HS1BP3: variants seen among roughly 807,000 people sequenced by gnomAD.
The protein encoded by HS1BP3 is HCLS1 binding protein 3, also known as HCLS1-binding protein 3.
In HS1BP3, 32 loss-of-function variants were observed where a neutral mutation model predicts 33.5. The ratio of observed to expected loss-of-function variants is 0.95; its 90% CI spans 0.72 to 1.28. The LOEUF is 1.28. Ranked by LOEUF, HS1BP3 falls within the 50% of genes most tolerant of loss-of-function variation. The pLI is 0.00. For missense variants in HS1BP3, 486 were observed against 502.3 expected (o/e 0.97, Z 0.31); for synonymous variants, 187 against 209.2 (o/e 0.89, Z 0.92).
chr2:20,614,248 A>G (rs1694373201), downstream of HS1BP3, among the ~76,000 whole-genome samples: 1 of 152,226 alleles, frequency 6.6e-6, no homozygotes, highest in Non-Finnish European at 1.5e-5. Flanking sequence ...GGCCCTACTA[A>G]CACCTTGATT....
At chr2:20,574,386 G>A (rs572096853) in intron 5 of HS1BP3, among the ~76,000 whole-genome samples, 1 of 152,348 alleles carries the variant, frequency 6.6e-6, no homozygotes, top group African/African-American at 2.4e-5. Flanking sequence ...ATTAGCCCAT[G>A]AAAATCTTGT....
intron 5 of HS1BP3, among the ~76,000 whole-genome samples, chr2:20,568,371 G>A (rs2149271581): frequency 1.3e-5 from 2 of 152,292 alleles, no homozygotes; most frequent in East Asian, 3.9e-4. Flanking sequence ...AGAAGAGCAG[G>A]GTCAGCACGT....
At chr2:20,598,983 G>C (rs1417052210) in intron 2 of HS1BP3, among the ~76,000 whole-genome samples, 1 of 152,214 alleles carries the variant, frequency 6.6e-6, no homozygotes. Flanking sequence ...GGAGGGAAGG[G>C]ACAGATGCTA....
At chr2:20,606,576 C>T (rs930760) in intron 2 of HS1BP3, 287,222 of 483,674 alleles carry the variant, frequency 0.59, 91,151 homozygotes, top group East Asian at 0.71. Context: ...GCCTTGTCCC[C>T]GGATTTGCTC....
At chr2:20,637,853 TG>T in intron 4 of HS1BP3, 1 of 155,868 alleles carries the variant, frequency 6.4e-6, no homozygotes, top group East Asian at 1.9e-4. Flanking sequence ...GGGGCCATGA[TG>T]GTAGCTGATT....
chr2:20,641,088 G>C lies in HS1BP3; in HGVS notation c.291C>G (p.Val97=). The change falls in exon 3 of 7, where the codon GTC becomes GTG. Residue 97 remains valine, a synonymous_variant. Coordinates refer to ENST00000304031, the MANE Select transcript of HS1BP3 (RefSeq NM_022460.4). Reference sequence around the variant, plus strand: ...GGATGTCAGACTCCCCAACAAACAGGACCTTCCTGGGTAGTGGGGGGAGGC... The same window carrying C: ...GGATGTCAGACTCCCCAACAAACAGCACCTTCCTGGGTAGTGGGGGGAGGC... The part of the protein sequence containing the change: ...AASLPPLPRK[V]LFVGESDIRE... The C allele has an allele frequency of 1.2e-6, 2 of 1,613,990 alleles. No individual in the cohort carries two copies. Among genetic ancestry groups the C allele is most frequent in the African/African-American group, 2.7e-5 (2 of 75,068 alleles).
intron 2 of HS1BP3, among the ~76,000 whole-genome samples, chr2:20,599,163 G>A (rs190190729): frequency 6.6e-6 from 1 of 152,358 alleles, no homozygotes; most frequent in East Asian, 1.9e-4. Context: ...CAACCAATCC[G>A]GGCCAGTAGC....
At chr2:20,610,028 T>C (rs1413864257) in intron 2 of HS1BP3, among the ~76,000 whole-genome samples, 1 of 152,222 alleles carries the variant, frequency 6.6e-6, no homozygotes, top group Non-Finnish European at 1.5e-5. Context: ...GCTTCCTCCC[T>C]GTGGTTCCTT....
At chr2:20,622,066 C>T in intron 6 of HS1BP3, 1 of 726,108 alleles carries the variant, frequency 1.4e-6, no homozygotes, top group Non-Finnish European at 1.9e-6. Context: ...GGTGTGGCTG[C>T]ACAGCCAGAA....
intron 5 of HS1BP3, among the ~76,000 whole-genome samples, chr2:20,561,899 G>T (rs1693006810): frequency 6.6e-6 from 1 of 152,136 alleles, no homozygotes; most frequent in Non-Finnish European, 1.5e-5. Flanking sequence ...AGAAGGTTGG[G>T]ACTTCTAACC....
chr2:20,567,185 T>G (rs1321333477), intron 5 of HS1BP3, among the ~76,000 whole-genome samples: 1 of 151,654 alleles, frequency 6.6e-6, no homozygotes, highest in African/African-American at 2.4e-5. Flanking sequence ...TTGATGTTAC[T>G]GAGAAAAGGT....
intron 5 of HS1BP3, among the ~76,000 whole-genome samples, chr2:20,571,552 T>A (rs1455107953): frequency 6.6e-6 from 1 of 152,202 alleles, no homozygotes; most frequent in Non-Finnish European, 1.5e-5. Context: ...ACTGGCGCCA[T>A]CGGTTGGAAA....
chr2:20,572,149 G>A (rs1229245811), intron 5 of HS1BP3, among the ~76,000 whole-genome samples: 2 of 152,242 alleles, frequency 1.3e-5, no homozygotes, highest in African/African-American at 4.8e-5. Flanking sequence ...TCCTTGAAGG[G>A]GCAGGGCGGC....
At chr2:20,573,600 G>C (rs1230640815) in intron 5 of HS1BP3, among the ~76,000 whole-genome samples, 1 of 152,188 alleles carries the variant, frequency 6.6e-6, no homozygotes, top group East Asian at 1.9e-4. Context: ...GCAGCCTCCC[G>C]GGCCTTTGCT....
intron 5 of HS1BP3, among the ~76,000 whole-genome samples, chr2:20,584,884 G>A (rs1693642538): frequency 6.6e-6 from 1 of 152,184 alleles, no homozygotes; most frequent in African/African-American, 2.4e-5. Context: ...GCTGCAGTGT[G>A]TGGGCCACAG....
chr2:20,572,938 A>G (rs373671327), intron 5 of HS1BP3, among the ~76,000 whole-genome samples: 39 of 152,140 alleles, frequency 2.6e-4, no homozygotes, highest in African/African-American at 8.9e-4. Context: ...ATAGCCCATC[A>G]CTCTGTGGTC....
At chr2:20,578,368 C>G (rs1288057183) in intron 5 of HS1BP3, among the ~76,000 whole-genome samples, 3 of 152,162 alleles carry the variant, frequency 2.0e-5, no homozygotes, top group Non-Finnish European at 2.9e-5. Context: ...GAGGCTCTAC[C>G]CTAGCATGTC....
At chr2:20,635,386 G>A (rs1399730997) in intron 4 of HS1BP3, 1 of 152,130 alleles carries the variant, frequency 6.6e-6, no homozygotes, top group Non-Finnish European at 1.5e-5. Context: ...CATGTAAGCT[G>A]GAAAAAAGCA....
intron 3 of HS1BP3, among the ~76,000 whole-genome samples, chr2:20,594,833 C>T (rs1412276371): frequency 6.6e-6 from 1 of 152,110 alleles, no homozygotes; most frequent in East Asian, 1.9e-4. Flanking sequence ...GGCTGTCTTG[C>T]TGCATCTTCA....
Sources: allele counts gnomAD v4.1 joint callset (sites outside exome capture counted in the v4.1 genomes callset), GRCh38; gene constraint gnomAD v4.1.1; transcripts MANE v1.5; gene names NCBI Gene and HGNC (gene_info 2026-07-23, HGNC 2026-07-21).